The following ABTB3 variants were observed in gnomAD, a reference collection of about 807,000 sequenced individuals.
ABTB3 encodes ankyrin repeat- and BTB/POZ domain-containing protein 3.
At chr12:107,334,490 A>C in the ABTB3 span, among the ~76,000 whole-genome samples, 4 of 152,148 alleles carry the variant, frequency 2.6e-5, no homozygotes, top group Admixed American at 6.5e-5. Context: ...GACGGGAAAT[A>C]CCGTGGAAAG....
At chr12:107,543,783 T>A in the ABTB3 span, 4 of 661,982 alleles carry the variant, frequency 6.0e-6, no homozygotes, top group South Asian at 6.0e-5. Context: ...AATCCATTCC[T>A]CTCTGCTTGG....
At chr12:107,358,413 T>C in the ABTB3 span, among the ~76,000 whole-genome samples, 9 of 152,066 alleles carry the variant, frequency 5.9e-5, no homozygotes, top group Non-Finnish European at 1.2e-4. Context: ...GTCTGGTGTG[T>C]TTGTAGAAGA....
the ABTB3 span, among the ~76,000 whole-genome samples, chr12:107,567,712 C>T: frequency 3.3e-5 from 5 of 152,152 alleles, no homozygotes; most frequent in African/African-American, 1.2e-4. Flanking sequence ...GATCACAGGC[C>T]GCATTCGATT....
chr12:107,523,017 G>A, the ABTB3 span, among the ~76,000 whole-genome samples: 1 of 152,158 alleles, frequency 6.6e-6, no homozygotes, highest in Non-Finnish European at 1.5e-5. Context: ...CAATTTAGCT[G>A]AATATTAGTT....
the ABTB3 span, among the ~76,000 whole-genome samples, chr12:107,334,860 G>T: frequency 1.3e-5 from 2 of 152,166 alleles, no homozygotes; most frequent in African/African-American, 4.8e-5. Context: ...GTTAACAGAA[G>T]ATAGTGTGTC....
chr12:107,626,302 G>A, the ABTB3 span, among the ~76,000 whole-genome samples: 1 of 144,908 alleles, frequency 6.9e-6, no homozygotes, highest in Non-Finnish European at 1.5e-5. Flanking sequence ...GTAATCATGT[G>A]TTTTTAAAAG....
chr12:107,651,786 A>C, the ABTB3 span: 1 of 1,612,624 alleles, frequency 6.2e-7, no homozygotes, highest in Admixed American at 1.7e-5. Flanking sequence ...AACCATGCCA[A>C]GGTAATCAAT....
chr12:107,431,691 A>G, the ABTB3 span, among the ~76,000 whole-genome samples: 1 of 152,074 alleles, frequency 6.6e-6, no homozygotes, highest in South Asian at 2.1e-4. Context: ...TGGGGGCAGC[A>G]TGTATGTTAA....
At chr12:107,556,986 T>C in the ABTB3 span, among the ~76,000 whole-genome samples, 1 of 152,036 alleles carries the variant, frequency 6.6e-6, no homozygotes, top group Admixed American at 6.6e-5. Context: ...CACTTCAGTC[T>C]GTGCGACAGA....
the ABTB3 span, among the ~76,000 whole-genome samples, chr12:107,422,046 A>G: frequency 1.0e-3 from 154 of 152,288 alleles, 1 homozygote; most frequent in Non-Finnish European, 1.5e-3. Flanking sequence ...GTAATAGAAA[A>G]TGCTATAGAG....
At chr12:107,382,600 G>A in the ABTB3 span, among the ~76,000 whole-genome samples, 2 of 152,174 alleles carry the variant, frequency 1.3e-5, no homozygotes, top group Admixed American at 1.3e-4. Flanking sequence ...ATGAGTTCAT[G>A]TCCTTTGCAG....
chr12:107,329,221 A>G, the ABTB3 span, among the ~76,000 whole-genome samples: 1 of 152,162 alleles, frequency 6.6e-6, no homozygotes, highest in Non-Finnish European at 1.5e-5. Context: ...CCTCCCTGAG[A>G]ATCACAGAGC....
At chr12:107,386,906 T>C in the ABTB3 span, among the ~76,000 whole-genome samples, 1 of 151,290 alleles carries the variant, frequency 6.6e-6, no homozygotes, top group Non-Finnish European at 1.5e-5. Flanking sequence ...TGTGTGTGTG[T>C]GTGTGTGTGT....
the ABTB3 span, among the ~76,000 whole-genome samples, chr12:107,595,659 G>C: frequency 6.6e-6 from 1 of 152,184 alleles, no homozygotes; most frequent in Non-Finnish European, 1.5e-5. Flanking sequence ...TGGGCGGGAA[G>C]AATAGACTCC....
the ABTB3 span, among the ~76,000 whole-genome samples, chr12:107,371,437 G>A: frequency 6.6e-6 from 1 of 152,154 alleles, no homozygotes; most frequent in African/African-American, 2.4e-5. Context: ...ATGGAGGTGG[G>A]TTGGGGAGGG....
chr12:107,621,731 C>T, the ABTB3 span, among the ~76,000 whole-genome samples: 1 of 152,186 alleles, frequency 6.6e-6, no homozygotes, highest in East Asian at 1.9e-4. Flanking sequence ...CACCCTACTC[C>T]ACTGCTATCC....
chr12:107,481,921 CTCTCTCTT>C, the ABTB3 span, among the ~76,000 whole-genome samples: 1 of 149,322 alleles, frequency 6.7e-6, no homozygotes, highest in Non-Finnish European at 1.5e-5. Context: ...CTCTCTCTCT[CTCTCTCTT>C]TCTTTCTCCC....
At chr12:107,581,416 G>A in the ABTB3 span, 6 of 902,658 alleles carry the variant, frequency 6.6e-6, no homozygotes, top group Non-Finnish European at 8.8e-6. Flanking sequence ...ACACCTCGGC[G>A]GCGCTGGGGT....
At chr12:107,337,100 A>G in the ABTB3 span, among the ~76,000 whole-genome samples, 15 of 152,252 alleles carry the variant, frequency 9.9e-5, no homozygotes, top group African/African-American at 3.6e-4. Flanking sequence ...GTTCTAATCC[A>G]AAGTTGAAAG....
Sources: gnomAD v4.1 joint callset for allele counts (sites outside exome capture counted in the v4.1 genomes callset) on GRCh38, gnomAD v4.1.1 for gene constraint, MANE v1.5 for transcripts, NCBI Gene and HGNC (gene_info 2026-07-23, HGNC 2026-07-21) for gene names.